The following METTL15 variants were observed in gnomAD, a reference collection of about 807,000 sequenced individuals.
METTL15 encodes the protein 12S rRNA N(4)-cytidine methyltransferase METTL15.
In METTL15, 34 loss-of-function variants were observed where a neutral mutation model predicts 38.3. The ratio of observed to expected loss-of-function variants is 0.89; its 90% CI spans 0.68 to 1.18. The LOEUF (loss-of-function observed/expected upper bound fraction) is 1.18. Among genes scored for constraint, METTL15 ranks in the 50% most tolerant of loss-of-function variants. The pLI is 0.00. For synonymous variants in METTL15, 162 were observed against 170.9 expected (o/e 0.95, Z 0.41); for missense variants, 438 against 498.4 (o/e 0.88, Z 1.15).
intron 6 of METTL15, among the ~76,000 whole-genome samples, chr11:28,493,302 A>G (rs1851511896): frequency 6.6e-6 from 1 of 152,128 alleles, no homozygotes; most frequent in South Asian, 2.1e-4. Context: ...TGCTTAGTTC[A>G]TCATATGGCC....
At chr11:28,208,350 C>A (rs1243105367) in intron 3 of METTL15, among the ~76,000 whole-genome samples, 1 of 152,046 alleles carries the variant, frequency 6.6e-6, no homozygotes, top group South Asian at 2.1e-4. Context: ...TTTATTTCTG[C>A]CTTCATTTCG....
intron 3 of METTL15, among the ~76,000 whole-genome samples, chr11:28,192,542 G>A (rs951526184): frequency 6.6e-6 from 1 of 151,504 alleles, no homozygotes; most frequent in Non-Finnish European, 1.5e-5. Context: ...CCCATACAAT[G>A]AATTGGGAAA....
chr11:28,158,231 G>A (rs1027235830), intron 3 of METTL15, among the ~76,000 whole-genome samples: 1 of 152,196 alleles, frequency 6.6e-6, no homozygotes, highest in South Asian at 2.1e-4. Flanking sequence ...GCTCACCAAC[G>A]GGTGATCCCA....
chr11:28,438,269 A>AC (rs1162143643), intron 6 of METTL15, among the ~76,000 whole-genome samples: 1 of 152,202 alleles, frequency 6.6e-6, no homozygotes, highest in Non-Finnish European at 1.5e-5. Flanking sequence ...TAGGAGCTTC[A>AC]TTTATAAAGT....
chr11:28,203,589 A>G (rs144069942), intron 3 of METTL15, among the ~76,000 whole-genome samples: 2 of 152,194 alleles, frequency 1.3e-5, no homozygotes, highest in East Asian at 3.9e-4. Flanking sequence ...TCTACATTTT[A>G]CTATTAGCTT....
At position 28,430,425 on chromosome 11, in the gene METTL15, G is replaced by A. The variant is rs868602676; in HGVS notation, c.*424+6061G>A. On this transcript the variant is annotated intron_variant and NMD_transcript_variant, in intron 6 of 7. Coordinates refer to the METTL15 transcript ENST00000532947. ...CCGCCCCGTCCGGGAGGTGAGGGGCGCCTCTGCCCGGCCGCCCCTACTGGG... is the reference window on the plus strand; with the variant it reads ...CCGCCCCGTCCGGGAGGTGAGGGGCACCTCTGCCCGGCCGCCCCTACTGGG... Among the ~76,000 whole-genome samples the A allele has an allele frequency of 7.4e-3, 439 of 59,182 alleles. 4 individuals are homozygous for A. Among genetic ancestry groups the A allele is most frequent in the Middle Eastern group, 0.019 (1 of 52 alleles). 38.8% of individuals were successfully genotyped at this position (59,182 alleles called of 152,430 possible).
intron 4 of METTL15, among the ~76,000 whole-genome samples, chr11:28,352,575 A>G (rs1196602546): frequency 2.0e-5 from 3 of 152,140 alleles, no homozygotes; most frequent in South Asian, 4.1e-4. Flanking sequence ...CAAGCACAAA[A>G]TGTTATATAC....
intron 3 of METTL15, among the ~76,000 whole-genome samples, chr11:28,349,958 T>C (rs1850027527): frequency 6.6e-6 from 1 of 152,216 alleles, no homozygotes; most frequent in Non-Finnish European, 1.5e-5. Context: ...AATGACTTGT[T>C]TCATGGATGT....
intron 6 of METTL15, among the ~76,000 whole-genome samples, chr11:28,303,999 A>G (rs1856995968): frequency 6.6e-6 from 1 of 152,178 alleles, no homozygotes; most frequent in African/African-American, 2.4e-5. Context: ...AAATAGGAAT[A>G]ACAAATCTTG....
chr11:28,340,851 A>G (rs369781553), intron 3 of METTL15, among the ~76,000 whole-genome samples: 6 of 152,312 alleles, frequency 3.9e-5, no homozygotes, highest in African/African-American at 1.4e-4. Flanking sequence ...AAATCATTCT[A>G]CTATAAGGGC....
chr11:28,350,129 T>C (rs1850028808), intron 3 of METTL15, among the ~76,000 whole-genome samples: 1 of 152,202 alleles, frequency 6.6e-6, no homozygotes, highest in South Asian at 2.1e-4. Flanking sequence ...TTCTATATGC[T>C]ATGTGCTCTA....
chr11:28,334,512 G>T (rs536939549), downstream of METTL15, among the ~76,000 whole-genome samples: 1 of 152,034 alleles, frequency 6.6e-6, no homozygotes, highest in African/African-American at 2.4e-5. Context: ...TTTGTGAGGT[G>T]CTTGATAAAT....
chr11:28,273,715 TTAA>T (rs1195871405), intron 4 of METTL15, among the ~76,000 whole-genome samples: 3 of 152,098 alleles, frequency 2.0e-5, no homozygotes, highest in African/African-American at 7.2e-5. Flanking sequence ...TATATATGTA[TTAA>T]TGTTAGTAAA....
chr11:28,235,813 C>G (rs201246430), intron 4 of METTL15, among the ~76,000 whole-genome samples: 17 of 152,268 alleles, frequency 1.1e-4, no homozygotes, highest in East Asian at 5.8e-4. Context: ...TCTCCTGCCT[C>G]ATTGCCCTGG....
At chr11:28,109,174 A>G (rs1851611572) in intron 1 of METTL15, among the ~76,000 whole-genome samples, 1 of 152,182 alleles carries the variant, frequency 6.6e-6, no homozygotes, top group Non-Finnish European at 1.5e-5. Context: ...ATGGACATTT[A>G]TTTCCTGTTG....
chr11:28,317,952 G>GT (rs988999232), intron 6 of METTL15, among the ~76,000 whole-genome samples: 3 of 152,116 alleles, frequency 2.0e-5, no homozygotes, highest in African/African-American at 4.8e-5. Flanking sequence ...ACATACAGAA[G>GT]TTTTTTTGGG....
chr11:28,112,305 T>A (rs1851750978), intron 2 of METTL15, among the ~76,000 whole-genome samples: 1 of 152,164 alleles, frequency 6.6e-6, no homozygotes, highest in Non-Finnish European at 1.5e-5. Flanking sequence ...TTCATTTTCT[T>A]CAGAAAACAT....
intron 6 of METTL15, among the ~76,000 whole-genome samples, chr11:28,525,928 G>T (rs1395266753): frequency 1.3e-5 from 2 of 152,240 alleles, no homozygotes; most frequent in East Asian, 3.9e-4. Context: ...GTGGGCTGCA[G>T]GTCCTGACCC....
At chr11:28,141,489 C>G (rs1849696098) in intron 3 of METTL15, among the ~76,000 whole-genome samples, 1 of 151,784 alleles carries the variant, frequency 6.6e-6, no homozygotes, top group African/African-American at 2.4e-5. Flanking sequence ...TGGAGACCAG[C>G]CTTGGCAACA....
Sources: allele counts gnomAD v4.1 joint callset (sites outside exome capture counted in the v4.1 genomes callset), GRCh38; gene constraint gnomAD v4.1.1; transcripts MANE v1.5; gene names NCBI Gene and HGNC (gene_info 2026-07-23, HGNC 2026-07-21).